SMG6: variants seen among roughly 807,000 people sequenced by gnomAD.
SMG6 encodes the protein telomerase-binding protein EST1A.
In SMG6, 66 loss-of-function variants were observed where a neutral mutation model predicts 142.2. The ratio of observed to expected loss-of-function variants is 0.46; its 90% CI spans 0.38 to 0.57. The LOEUF is 0.57. Ranked by LOEUF, SMG6 falls within the 20% of genes least tolerant of loss-of-function variation. The pLI is 0.00. For synonymous variants in SMG6, 779 were observed against 702.4 expected (o/e 1.11, Z -1.72); for missense variants, 1,793 against 1,832.0 (o/e 0.98, Z 0.39).
At chr17:2,188,285 AG>A in intron 11 of SMG6, 113 bp downstream of exon 11, 2 of 811,368 alleles carry the variant, frequency 2.5e-6, no homozygotes, top group Non-Finnish European at 4.0e-6. Context: ...TGTAGGTAAG[AG>A]GAAGAATGGA....
intron 13 of SMG6, among the ~76,000 whole-genome samples, chr17:2,090,292 G>A (rs1253552831): frequency 1.3e-5 from 2 of 151,918 alleles, no homozygotes; most frequent in Non-Finnish European, 1.5e-5. Context: ...AGAGATGCCC[G>A]GCGGGGGAGG....
chr17:2,243,553 T>C (rs981700528), intron 9 of SMG6, among the ~76,000 whole-genome samples: 3 of 152,084 alleles, frequency 2.0e-5, no homozygotes. Flanking sequence ...CGGTGGCATG[T>C]GCCTGTAATC....
intron 9 of SMG6, among the ~76,000 whole-genome samples, chr17:2,241,628 C>A (rs1420889894): frequency 6.6e-6 from 1 of 152,142 alleles, no homozygotes; most frequent in Non-Finnish European, 1.5e-5. Flanking sequence ...TGGGCTCAGG[C>A]GATTCTCCCA....
At chr17:2,153,569 G>C (rs182356289) in intron 13 of SMG6, among the ~76,000 whole-genome samples, 1 of 152,146 alleles carries the variant, frequency 6.6e-6, no homozygotes, top group Non-Finnish European at 1.5e-5. Context: ...GCCACTCCAC[G>C]CGGTGACTGG....
At chr17:2,092,845 A>G (rs560480305) in intron 13 of SMG6, among the ~76,000 whole-genome samples, 1 of 152,344 alleles carries the variant, frequency 6.6e-6, no homozygotes, top group East Asian at 1.9e-4. Context: ...GTTTATCCTT[A>G]GACAAGTTAC....
intron 12 of SMG6, among the ~76,000 whole-genome samples, chr17:2,174,239 C>A (rs902206682): frequency 6.6e-6 from 1 of 152,122 alleles, no homozygotes; most frequent in African/African-American, 2.4e-5. Flanking sequence ...TTGCTAAAAA[C>A]AACAAAGAAG....
intron 13 of SMG6, among the ~76,000 whole-genome samples, chr17:2,140,668 T>A: frequency 8.4e-6 from 1 of 119,356 alleles, no homozygotes; most frequent in African/African-American, 3.7e-5. Flanking sequence ...TGAGATTCCA[T>A]CTCAAAAAAA....
intron 10 of SMG6, among the ~76,000 whole-genome samples, chr17:2,208,824 A>G (rs1301723708): frequency 6.6e-6 from 1 of 152,252 alleles, no homozygotes; most frequent in Non-Finnish European, 1.5e-5. Flanking sequence ...AAAGGTTGCA[A>G]ACATGAATAT....
At chr17:2,301,225 A>T (rs1398133796) in intron 1 of SMG6, among the ~76,000 whole-genome samples, 1 of 152,232 alleles carries the variant, frequency 6.6e-6, no homozygotes, top group Non-Finnish European at 1.5e-5. Flanking sequence ...TTTAGTCTTT[A>T]AACTTGACCA....
intron 15 of SMG6, chr17:2,072,783 TCTA>T (rs2068141359): frequency 6.6e-6 from 1 of 152,176 alleles, no homozygotes; most frequent in South Asian, 2.1e-4. Context: ...CTTCCTTCCC[TCTA>T]CAGGGTGAAG....
chr17:2,076,187 A>C (rs2068252555), intron 15 of SMG6, among the ~76,000 whole-genome samples: 1 of 151,082 alleles, frequency 6.6e-6, no homozygotes, highest in Admixed American at 6.6e-5. Context: ...CTGTTTTGCC[A>C]CATCTGTGAG....
chr17:2,133,577 C>A (rs2070194372), intron 13 of SMG6, among the ~76,000 whole-genome samples: 2 of 152,118 alleles, frequency 1.3e-5, no homozygotes, highest in South Asian at 4.1e-4. Context: ...CAATATGTCA[C>A]CCAGGGATGG....
intron 10 of SMG6, chr17:2,199,614 T>A (rs560637596): frequency 2.0e-5 from 3 of 151,600 alleles, no homozygotes; most frequent in Admixed American, 2.0e-4. Flanking sequence ...TTTAAAAAAA[T>A]ATTTTTGTAG....
At chr17:2,240,800 G>A (rs992457081) in intron 9 of SMG6, among the ~76,000 whole-genome samples, 5 of 152,224 alleles carry the variant, frequency 3.3e-5, no homozygotes, top group South Asian at 2.1e-4. Context: ...CGCAGCGTCC[G>A]AGCTTTTCCG....
intron 10 of SMG6, among the ~76,000 whole-genome samples, chr17:2,221,195 T>C (rs1709314317): frequency 6.6e-6 from 1 of 152,300 alleles, no homozygotes; most frequent in East Asian, 1.9e-4. Flanking sequence ...AATCTCATGA[T>C]GAATTGTAAT....
At chr17:2,272,658 G>C (rs1401679568) in intron 8 of SMG6, among the ~76,000 whole-genome samples, 1 of 152,126 alleles carries the variant, frequency 6.6e-6, no homozygotes, top group East Asian at 1.9e-4. Flanking sequence ...AGTGTCCTTG[G>C]CCGGGCACGG....
intron 13 of SMG6, among the ~76,000 whole-genome samples, chr17:2,099,630 A>G (rs529634673): frequency 6.6e-6 from 1 of 152,288 alleles, no homozygotes; most frequent in South Asian, 2.1e-4. Context: ...GGAGTCCTGA[A>G]TCACAAACAT....
chr17:2,104,004 T>G (rs935062910), intron 13 of SMG6, among the ~76,000 whole-genome samples: 1 of 148,690 alleles, frequency 6.7e-6, no homozygotes, highest in Non-Finnish European at 1.5e-5. Flanking sequence ...CAGGCAGGAG[T>G]GTAATGGCAC....
At chr17:2,173,581 T>C (rs2071570487) in intron 12 of SMG6, among the ~76,000 whole-genome samples, 1 of 152,100 alleles carries the variant, frequency 6.6e-6, no homozygotes, top group Non-Finnish European at 1.5e-5. Context: ...TGTGGGACTG[T>C]CCCAGTTTTA....
Sources: gnomAD v4.1 joint callset for allele counts (sites outside exome capture counted in the v4.1 genomes callset) on GRCh38, gnomAD v4.1.1 for gene constraint, MANE v1.5 for transcripts, NCBI Gene and HGNC (gene_info 2026-07-23, HGNC 2026-07-21) for gene names.